The following TRIM2 variants were observed in gnomAD, a reference collection of about 807,000 sequenced individuals.
TRIM2 encodes tripartite motif containing 2, also known as tripartite motif-containing protein 2.
Under a neutral mutation model 75.2 loss-of-function variants are expected in TRIM2, and 20 were observed. That is an observed-to-expected ratio of 0.27 (90% CI 0.19 to 0.39). The LOEUF (loss-of-function observed/expected upper bound fraction) is 0.39. Among genes scored for constraint, TRIM2 ranks in the 10% least tolerant of loss-of-function variants. The pLI is 1.00. For synonymous variants in TRIM2, 373 were observed against 388.3 expected, an observed-to-expected ratio of 0.96 and a Z score of 0.46; for missense variants, 660 against 990.8, an observed-to-expected ratio of 0.67 and a Z score of 4.48.
chr4:153,232,815 T>C (rs1744007429), intron 1 of TRIM2, among the ~76,000 whole-genome samples: 1 of 152,254 alleles, frequency 6.6e-6, no homozygotes, highest in South Asian at 2.1e-4. Context: ...AGGGGCTGAG[T>C]GGTGTCTTCA....
chr4:153,166,474 C>G (rs189121544), intron 1 of TRIM2, among the ~76,000 whole-genome samples: 1 of 139,894 alleles, frequency 7.1e-6, no homozygotes, highest in East Asian at 2.5e-4. Flanking sequence ...GAAGGATTTT[C>G]CCTCCCTCCC....
chr4:153,217,726 GAC>G (rs1738871571), intron 1 of TRIM2, among the ~76,000 whole-genome samples: 1 of 152,102 alleles, frequency 6.6e-6, no homozygotes, highest in Non-Finnish European at 1.5e-5. Context: ...AGCAGGGAGA[GAC>G]AGAGAATAAG....
At chr4:153,207,280 G>A (rs543067828) in intron 1 of TRIM2, among the ~76,000 whole-genome samples, 8 of 152,308 alleles carry the variant, frequency 5.3e-5, no homozygotes, top group East Asian at 1.9e-4. Context: ...AGGCCTATGC[G>A]GTGCGGTGGC....
At chr4:153,192,164 T>C (rs943781289) in intron 1 of TRIM2, among the ~76,000 whole-genome samples, 7 of 152,216 alleles carry the variant, frequency 4.6e-5, no homozygotes, top group African/African-American at 1.7e-4. Flanking sequence ...ACCACAGTGA[T>C]TGTTTAAGCA....
At chr4:153,175,018 T>A (rs1249538421) in intron 1 of TRIM2, among the ~76,000 whole-genome samples, 4 of 30,908 alleles carry the variant, frequency 1.3e-4, no homozygotes, top group African/African-American at 1.1e-4. Context: ...TTTTGTTTTG[T>A]TTTTTTTTGA....
upstream of TRIM2, among the ~76,000 whole-genome samples, chr4:153,200,263 G>A (rs1225273675): frequency 6.6e-6 from 1 of 152,086 alleles, no homozygotes; most frequent in Non-Finnish European, 1.5e-5. Flanking sequence ...TTTTAGAAAA[G>A]GGAGTCTCCC....
intron 1 of TRIM2, among the ~76,000 whole-genome samples, chr4:153,244,113 C>T (rs1326820741): frequency 6.6e-6 from 1 of 150,832 alleles, no homozygotes; most frequent in Non-Finnish European, 1.5e-5. Context: ...AGCTACTGTG[C>T]CACTGCCATC....
rs1017826880 is a variant in TRIM2 at position 153,212,049 on chromosome 4, G to A, written c.30+7489G>A. Among the ~76,000 whole-genome samples, 3 of 152,046 alleles carry A rather than the reference G, an allele frequency of 2.0e-5. 1 individual carries two copies. The highest frequency in any genetic ancestry group is 4.4e-5 in the Non-Finnish European group (3 of 68,030). On this transcript the variant is annotated intron_variant, in intron 1 of 11. Transcript: ENST00000338700. ...GAAGTGCTTGCTTCTAGCTTCTGGC[G>A]GTAGGCTACATTTCCCAGCCTGTCA...
At chr4:153,327,783 A>G (rs1170781529) in intron 10 of TRIM2, among the ~76,000 whole-genome samples, 1 of 152,224 alleles carries the variant, frequency 6.6e-6, no homozygotes, top group Non-Finnish European at 1.5e-5. Flanking sequence ...AATTTGCTTA[A>G]GAGTTCTGTT....
chr4:153,187,157 G>A (rs572165206), intron 1 of TRIM2, among the ~76,000 whole-genome samples: 2 of 152,186 alleles, frequency 1.3e-5, no homozygotes, highest in African/African-American at 2.4e-5. Flanking sequence ...CAGGAATTTC[G>A]TTACAGTCAC....
chr4:153,328,273 T>C (rs955744997), intron 10 of TRIM2, among the ~76,000 whole-genome samples: 1 of 152,232 alleles, frequency 6.6e-6, no homozygotes, highest in Non-Finnish European at 1.5e-5. Flanking sequence ...AAAGGTATCA[T>C]TCACATAAGG....
At chr4:153,228,689 G>T (rs953018013) in intron 1 of TRIM2, among the ~76,000 whole-genome samples, 1 of 152,222 alleles carries the variant, frequency 6.6e-6, no homozygotes, top group Non-Finnish European at 1.5e-5. Flanking sequence ...TGGCACACAC[G>T]CTGTACAGCA....
intron 1 of TRIM2, among the ~76,000 whole-genome samples, chr4:153,220,490 G>A (rs771635049): frequency 1.3e-5 from 2 of 152,074 alleles, no homozygotes; most frequent in African/African-American, 2.4e-5. Flanking sequence ...AGGACAGCCC[G>A]TAGAATAAGA....
chr4:153,236,252 G>A (rs1251044412), intron 1 of TRIM2, among the ~76,000 whole-genome samples: 1 of 151,890 alleles, frequency 6.6e-6, no homozygotes, highest in African/African-American at 2.4e-5. Context: ...TAGCAGCATG[G>A]GAATGCATGG....
In TRIM2 at chr4:153,337,430, A is replaced by C. The variant is rs1360631498; in HGVS notation, c.*2464A>C. The C allele has an allele frequency of 1.0e-6, 1 of 985,778 alleles. No individual in the cohort carries two copies. The highest frequency in any genetic ancestry group is 6.1e-5 in the Admixed American group (1 of 16,274). The allele number at this position is 985,778 out of a possible 1,614,324, so 61.1% of individuals were successfully genotyped here. A position where few individuals can be genotyped will look rare whatever the true frequency, so the allele number is the denominator to read the frequency against. ...GTCAATATTGGCACAAACTGGAATG[A>C]AAGAATAGTTTGATTCAGACCTGCT... On this transcript the variant is annotated 3_prime_UTR_variant, in exon 12 of 12. Coordinates refer to ENST00000338700, the MANE Select transcript of TRIM2 (RefSeq NM_015271.5).
In TRIM2 at chr4:153,322,829, G is replaced by A. The variant is rs1467464132; in HGVS notation, c.1951+13G>A. 4 of 1,614,008 alleles carry A rather than the reference G, an allele frequency of 2.5e-6. No homozygotes were observed. The highest frequency in any genetic ancestry group is 3.4e-6 in the Non-Finnish European group (4 of 1,179,992). Reference sequence around the variant, plus strand: ...AGGCAGTTTGCAGGTACACTCGATGGTAATATGTAAACCCCCTTTTTTATG... The same window carrying A: ...AGGCAGTTTGCAGGTACACTCGATGATAATATGTAAACCCCCTTTTTTATG... On this transcript the variant is annotated intron_variant, in intron 9 of 11. Coordinates refer to ENST00000338700, the MANE Select transcript of TRIM2 (RefSeq NM_015271.5).
At chr4:153,202,829 G>A (rs1172056259), upstream of TRIM2, among the ~76,000 whole-genome samples, 1 of 150,130 alleles carries the variant, frequency 6.7e-6, no homozygotes, top group South Asian at 2.1e-4. Context: ...ATTTAAGGCC[G>A]GGCGCGGTGG....
At position 153,315,881 on chromosome 4, in the gene TRIM2, G is replaced by A. The variant is rs755651013; in HGVS notation, c.1664G>A (p.Arg555His). ...QFKSRFGIRG[R>H]SPGQLQRPTG... ...AAAAGTCGTTTTGGCATACGGGGAC[G>A]CTCTCCGGGGCAGCTGCAGCGGCCC... is the stretch of plus-strand genomic sequence containing the variant. Residue 555 changes from arginine (R) to histidine (H), a missense_variant, in exon 8 of 12, where the codon CGC becomes CAC. Around this residue, in one of 2 missense-constraint regions of TRIM2, gnomAD observed 620 missense variants for 891.0 expected, o/e 0.70. Transcript: ENST00000338700. 2 of 1,614,090 alleles carry A rather than the reference G, an allele frequency of 1.2e-6. No homozygotes were observed. Among genetic ancestry groups the A allele is most frequent in the South Asian group, 1.1e-5 (1 of 91,084 alleles).
chr4:153,217,438 A>G (rs1331573668), intron 1 of TRIM2, among the ~76,000 whole-genome samples: 1 of 152,218 alleles, frequency 6.6e-6, no homozygotes, highest in Non-Finnish European at 1.5e-5. Flanking sequence ...AGGAACAGAC[A>G]CTTCAAAGGC....
Sources: gnomAD v4.1 joint callset for allele counts (sites outside exome capture counted in the v4.1 genomes callset) on GRCh38, gnomAD v4.1.1 for gene constraint, gnomAD v4.1.1 regional missense constraint, MANE v1.5 for transcripts, NCBI Gene and HGNC (gene_info 2026-07-23, HGNC 2026-07-21) for gene names.